CENPO: variants seen among roughly 807,000 people sequenced by gnomAD.
CENPO encodes the protein centromeric protein O.
Under a neutral mutation model 36.1 loss-of-function variants are expected in CENPO, and 30 were observed. That is an observed-to-expected ratio of 0.83 (90% confidence interval 0.62 to 1.13). The LOEUF is 1.13. Ranked by LOEUF, CENPO falls within the 50% of genes most tolerant of loss-of-function variation. The pLI is 0.00. For missense variants in CENPO, 349 were observed against 357.8 expected (o/e 0.98, Z 0.20); for synonymous variants, 171 against 142.3 (o/e 1.20, Z -1.44).
At position 24,793,871 on chromosome 2, in the gene CENPO, A is replaced by T. The variant is rs374210546; in HGVS notation, c.-49A>T. 10 of 1,613,888 alleles carry T rather than the reference A, an allele frequency of 6.2e-6. 1 individual carries two copies. Among genetic ancestry groups the T allele is most frequent in the African/African-American group, 1.3e-5 (1 of 74,928 alleles). ...TATTAGCAAGGACATTGGAGTCCCT[A>T]TCACCGGTTGCCTAGACAACTTCAT... On this transcript the variant is annotated 5_prime_UTR_variant, in exon 2 of 8. Transcript: ENST00000380834.
chr2:24,816,788 T>C lies in CENPO; in HGVS notation c.737T>C (p.Leu246Pro). The C allele has an allele frequency of 1.2e-6, 2 of 1,606,814 alleles. No homozygotes were observed. The highest frequency in any genetic ancestry group is 2.2e-5 in the South Asian group (2 of 89,476). ...CTGTATAAGGACCTCACAGCAACTC[T>C]TCCCACTGACGTCACCGTGACATGT... ...RLLYKDLTATLPTDVTVTCQG... is the reference protein window; with the variant it reads ...RLLYKDLTATPPTDVTVTCQG... Residue 246 changes from leucine (L) to proline (P), a missense_variant, in exon 6 of 8, where the codon CTT becomes CCT. Transcript: ENST00000380834.
rs1553330792 is a variant in CENPO, at chr2:24,821,057, C to CCA, written c.*1739_*1740insCA. On this transcript the variant is annotated 3_prime_UTR_variant, in exon 8 of 8. Transcript: ENST00000380834. Reference sequence around the variant, plus strand: ...TAGGTGTCAGCCGCCACCCCCCCCCCATATGCAGATTTACTCGGCATGGTA... The same window carrying CCA: ...TAGGTGTCAGCCGCCACCCCCCCCCCCAATATGCAGATTTACTCGGCATGGTA... The CCA allele has an allele frequency of 1.6e-6, 1 of 635,662 alleles. No homozygotes were observed. Among genetic ancestry groups the CCA allele is most frequent in the African/African-American group, 1.9e-5 (1 of 53,516 alleles). 39.4% of individuals were successfully genotyped at this position (635,662 alleles called of 1,614,324 possible).
chr2:24,815,565 T>C lies in CENPO; in HGVS notation c.403T>C (p.Leu135=), dbSNP rs960248524. 4 of 1,613,200 alleles carry C rather than the reference T, an allele frequency of 2.5e-6. No individual in the cohort carries two copies. Among genetic ancestry groups the C allele is most frequent in the African/African-American group, 2.7e-5 (2 of 74,904 alleles). The change falls in exon 5 of 8, where the codon TTG becomes CTG. Residue 135 remains leucine (L), a synonymous_variant. Transcript: ENST00000380834. ...CISTAFEGNL[L]DSYFVDLVIQ... is the part of the protein sequence containing the mutation. ...CAGTACTGCTTTTGAGGGGAACCTATTGGATTCCTATTTTGTGGACCTTGT... is the reference window on the plus strand; with the variant it reads ...CAGTACTGCTTTTGAGGGGAACCTACTGGATTCCTATTTTGTGGACCTTGT...
At chr2:24,795,173 T>A (rs1558366674) in intron 2 of CENPO, among the ~76,000 whole-genome samples, 1 of 152,156 alleles carries the variant, frequency 6.6e-6, no homozygotes, top group Non-Finnish European at 1.5e-5. Context: ...GAGGTGGAAG[T>A]TTTGGATTAT....
At position 24,820,685 on chromosome 2, in the gene CENPO, C is replaced by T. The variant is rs760683528; in HGVS notation, c.*1367C>T. ...GCACTGTTCCGGTTTTGTTCTCATG[C>T]CGAGTCTGAGCACGTGCCAGCTGTG... On this transcript the variant is annotated 3_prime_UTR_variant, in exon 8 of 8. Transcript: ENST00000380834. 3.1e-6 allele frequency: 5 copies of T among 1,611,932 alleles called. No individual in the cohort carries two copies. The highest frequency in any genetic ancestry group is 3.4e-6 in the Non-Finnish European group (4 of 1,178,824).
At chr2:24,814,709 A>G (rs1666862211) in intron 4 of CENPO, 1 of 532,630 alleles carries the variant, frequency 1.9e-6, no homozygotes, top group South Asian at 2.3e-5. Flanking sequence ...GCCCCTTTGT[A>G]CAGCAGCTCA....
At position 24,821,993 on chromosome 2, in the gene CENPO, A is replaced by G. The variant is rs1413341823; in HGVS notation, c.*2675A>G. On this transcript the variant is annotated 3_prime_UTR_variant, in exon 8 of 8. Transcript: ENST00000380834. ...AGGTGATAAGCACTGGAGGGGGATG[A>G]CCCGCCTTGGACGTGTTTCTTTAAC... 4 of 250,356 alleles carry G rather than the reference A, an allele frequency of 1.6e-5. No individual in the cohort carries two copies. The South Asian group carries it at 2.8e-4, about 17-fold the overall frequency. 15.5% of individuals were successfully genotyped at this position (250,356 alleles called of 1,614,324 possible). A position where few individuals can be genotyped will look rare whatever the true frequency, so the allele number is the denominator to read the frequency against.
chr2:24,799,836 C>A lies in CENPO; in HGVS notation c.208C>A (p.Arg70=). Residue 70 remains arginine (R), a synonymous_variant, in exon 3 of 8, where the codon CGA becomes AGA. Coordinates refer to ENST00000380834, the MANE Select transcript of CENPO (RefSeq NM_001322101.2). Reference sequence around the variant, plus strand: ...GCTGAGGGCTGTGGTGCGGCACCGGCGAGCCAGCGTGAGTAGAAGGGTGGT... The same window carrying A: ...GCTGAGGGCTGTGGTGCGGCACCGGAGAGCCAGCGTGAGTAGAAGGGTGGT... ...DELRAVVRHR[R]ASVKACIANV... is the part of the protein sequence containing the mutation. 1 of 1,612,972 alleles carries A rather than the reference C, an allele frequency of 6.2e-7. No homozygotes were observed. Among genetic ancestry groups the A allele is most frequent in the Non-Finnish European group, 8.5e-7 (1 of 1,179,894 alleles).
At chr2:24,793,755 C>T (rs1665744621) in intron 1 of CENPO, 97 bp from the exon 2 acceptor site, 2 of 1,039,744 alleles carry the variant, frequency 1.9e-6, no homozygotes, top group South Asian at 1.4e-5. Flanking sequence ...TTGTGTCATC[C>T]GCGGCCCAGG....
chr2:24,795,997 A>C (rs1425419559), intron 2 of CENPO, among the ~76,000 whole-genome samples: 1 of 152,192 alleles, frequency 6.6e-6, no homozygotes, highest in East Asian at 1.9e-4. Context: ...TTTTCTGTGG[A>C]CATGAGCCAA....
At chr2:24,795,122 T>C (rs1665835923) in intron 2 of CENPO, among the ~76,000 whole-genome samples, 1 of 152,226 alleles carries the variant, frequency 6.6e-6, no homozygotes, top group Admixed American at 6.5e-5. Context: ...TAACCTGTTC[T>C]CTAGTCCAGG....
At chr2:24,816,085 G>A (rs569353191) in intron 5 of CENPO, 88 of 306,698 alleles carry the variant, frequency 2.9e-4, no homozygotes, top group Non-Finnish European at 5.2e-4. Flanking sequence ...ACCATACCGA[G>A]TGCCTTGCTG....
rs1667500952 is a variant in CENPO, at chr2:24,820,671, G to A, written c.*1353G>A. On this transcript the variant is annotated 3_prime_UTR_variant, in exon 8 of 8. Transcript: ENST00000380834. ...GGGCACGTGGGAAAGCACTGTTCCG[G>A]TTTTGTTCTCATGCCGAGTCTGAGC... is the stretch of plus-strand genomic sequence containing the variant. 1.9e-6 allele frequency: 3 copies of A among 1,609,666 alleles called. No homozygotes were observed. Among genetic ancestry groups the A allele is most frequent in the Admixed American group, 3.3e-5 (2 of 59,800 alleles).
chr2:24,812,207 T>A (rs1666723667), intron 3 of CENPO, among the ~76,000 whole-genome samples: 1 of 152,198 alleles, frequency 6.6e-6, no homozygotes, highest in Non-Finnish European at 1.5e-5. Flanking sequence ...ATATTAGAAT[T>A]TATTTTCTTT....
chr2:24,801,900 C>T (rs143773884), intron 3 of CENPO, among the ~76,000 whole-genome samples: 4,484 of 152,274 alleles, frequency 0.029, 81 homozygotes, highest in East Asian at 0.066. Context: ...GGCATTGAAT[C>T]CATAAATTAG....
At chr2:24,808,694 T>C (rs1666541046) in intron 3 of CENPO, among the ~76,000 whole-genome samples, 1 of 152,236 alleles carries the variant, frequency 6.6e-6, no homozygotes, top group African/African-American at 2.4e-5. Flanking sequence ...CACATTCTCA[T>C]AGTAAACCTA....
At position 24,820,891 on chromosome 2, in the gene CENPO, C is replaced by G; in HGVS notation, c.*1573C>G. ...AGTTCAGCACAGCCACAGGCCACAC[C>G]TTGTTATGGGCCTCAGAAGCCATCT... On this transcript the variant is annotated 3_prime_UTR_variant, in exon 8 of 8. Transcript: ENST00000380834. 6.2e-7 allele frequency: 1 copy of G among 1,606,358 alleles called. No homozygotes were observed. The highest frequency in any genetic ancestry group is 8.5e-7 in the Non-Finnish European group (1 of 1,175,450).
At chr2:24,815,447 G>C in intron 4 of CENPO, 50 bp from the exon 5 acceptor site, 1 of 1,535,802 alleles carries the variant, frequency 6.5e-7, no homozygotes, top group South Asian at 1.1e-5. Context: ...AGATGAGTAA[G>C]ACATCACCTT....
Position 24,819,452 on chromosome 2 carries a change from T to TCAGGAACAC in CENPO, c.*140_*148dup, listed in dbSNP as rs1667195823. The TCAGGAACAC allele has an allele frequency of 6.5e-6, 1 of 153,370 alleles. No individual in the cohort carries two copies. The highest frequency in any genetic ancestry group is 1.5e-5 in the Non-Finnish European group (1 of 68,626). 9.5% of individuals were successfully genotyped at this position (153,370 alleles called of 1,614,324 possible). A position where few individuals can be genotyped will look rare whatever the true frequency, so the allele number is the denominator to read the frequency against. The stretch of plus-strand genomic sequence containing the variant: ...GTTCCAGAAGAACCTTTCAAGATGA[T>TCAGGAACAC]CAGGAACACCAGGACGAGGGCCGTC... On this transcript the variant is annotated 3_prime_UTR_variant, in exon 8 of 8. Coordinates refer to ENST00000380834, the MANE Select transcript of CENPO (RefSeq NM_001322101.2).
Sources: gnomAD v4.1 joint callset for allele counts (sites outside exome capture counted in the v4.1 genomes callset) on GRCh38, gnomAD v4.1.1 for gene constraint, MANE v1.5 for transcripts, NCBI Gene and HGNC (gene_info 2026-07-23, HGNC 2026-07-21) for gene names.